CTNNA2: variants seen among roughly 807,000 people sequenced by gnomAD.
CTNNA2 encodes catenin alpha 2.
In CTNNA2, 42 loss-of-function variants were observed where a neutral mutation model predicts 101.0. That is an observed-to-expected ratio of 0.42 (90% CI 0.32 to 0.54). CTNNA2 has a LOEUF of 0.54. Among genes scored for constraint, CTNNA2 ranks in the 20% least tolerant of loss-of-function variants. The probability of loss-of-function intolerance (pLI) is 0.14; values close to 1 mark genes in which losing one functional copy is unlikely to be tolerated. For synonymous variants in CTNNA2, 450 were observed against 456.4 expected, an observed-to-expected ratio of 0.99 and a Z score of 0.18; for missense variants, 871 against 1,223.1, an observed-to-expected ratio of 0.71 and a Z score of 4.29.
intron 3 of CTNNA2, among the ~76,000 whole-genome samples, chr2:79,352,820 A>G (rs1327409903): frequency 6.6e-6 from 1 of 152,196 alleles, no homozygotes; most frequent in Non-Finnish European, 1.5e-5. Context: ...ACTTATAAAG[A>G]AAAGAAGCTT....
intron 3 of CTNNA2, among the ~76,000 whole-genome samples, chr2:79,757,742 C>T (rs1672493263): frequency 6.6e-6 from 1 of 152,232 alleles, no homozygotes; most frequent in Admixed American, 6.5e-5. Context: ...GGTTCAAATT[C>T]CAACTGTAGT....
chr2:80,197,397 ATTG>A (rs1380579757), intron 7 of CTNNA2, among the ~76,000 whole-genome samples: 1 of 152,168 alleles, frequency 6.6e-6, no homozygotes, highest in African/African-American at 2.4e-5. Flanking sequence ...ATTATTGTTT[ATTG>A]CAGTCACATC....
chr2:79,402,430 C>A (rs1298870095), intron 4 of CTNNA2, among the ~76,000 whole-genome samples: 1 of 151,840 alleles, frequency 6.6e-6, no homozygotes, highest in African/African-American at 2.4e-5. Context: ...GATAATACTA[C>A]TGGACCTTAT....
At chr2:79,980,331 AT>A (rs961186198) in intron 7 of CTNNA2, among the ~76,000 whole-genome samples, 1 of 152,134 alleles carries the variant, frequency 6.6e-6, no homozygotes, top group African/African-American at 2.4e-5. Flanking sequence ...CATAGGGACG[AT>A]TTGTCACATG....
intron 12 of CTNNA2, among the ~76,000 whole-genome samples, chr2:80,572,205 G>A (rs1164492293): frequency 6.6e-6 from 1 of 152,126 alleles, no homozygotes; most frequent in Non-Finnish European, 1.5e-5. Context: ...ATGCCTATAA[G>A]TATGAAATTA....
intron 7 of CTNNA2, among the ~76,000 whole-genome samples, chr2:80,117,286 T>C (rs987627799): frequency 6.6e-5 from 10 of 152,158 alleles, no homozygotes; most frequent in African/African-American, 2.4e-4. Flanking sequence ...ATGGAGGATT[T>C]CCATAAAAAT....
intron 1 of CTNNA2, among the ~76,000 whole-genome samples, chr2:79,557,138 G>C (rs1053369650): frequency 2.0e-5 from 3 of 152,010 alleles, no homozygotes; most frequent in African/African-American, 7.2e-5. Context: ...GTGGGAAGTA[G>C]AATAGGTCAG....
intron 7 of CTNNA2, among the ~76,000 whole-genome samples, chr2:80,187,366 A>G (rs2148991541): frequency 6.6e-6 from 1 of 152,342 alleles, no homozygotes; most frequent in South Asian, 2.1e-4. Context: ...AAAATAGTAC[A>G]CAGTAGAAGA....
chr2:80,202,093 T>G (rs574764025), intron 7 of CTNNA2, among the ~76,000 whole-genome samples: 1 of 152,332 alleles, frequency 6.6e-6, no homozygotes, highest in Non-Finnish European at 1.5e-5. Context: ...TGTTTATGTT[T>G]ACTTTTCATT....
chr2:80,175,256 C>T (rs1573303466), intron 7 of CTNNA2, among the ~76,000 whole-genome samples: 1 of 152,206 alleles, frequency 6.6e-6, no homozygotes, highest in East Asian at 1.9e-4. Context: ...CCCCCATTAT[C>T]AGCTCCCATT....
At chr2:79,216,113 T>C (rs998328209) in intron 2 of CTNNA2, among the ~76,000 whole-genome samples, 5 of 152,048 alleles carry the variant, frequency 3.3e-5, no homozygotes, top group Non-Finnish European at 7.4e-5. Context: ...TTAGATCTTG[T>C]AGGATGGAAA....
intron 3 of CTNNA2, among the ~76,000 whole-genome samples, chr2:79,811,217 A>G (rs1436712151): frequency 2.0e-5 from 3 of 152,090 alleles, no homozygotes; most frequent in African/African-American, 7.2e-5. Context: ...AATGATCGCC[A>G]TTCTAACTGG....
At chr2:80,454,063 G>C (rs1383624046) in intron 9 of CTNNA2, among the ~76,000 whole-genome samples, 2 of 152,150 alleles carry the variant, frequency 1.3e-5, no homozygotes, top group African/African-American at 4.8e-5. Flanking sequence ...GGCAAAGAGG[G>C]AGAAAGAAAA....
intron 7 of CTNNA2, among the ~76,000 whole-genome samples, chr2:80,180,069 G>A (rs1705675621): frequency 1.3e-5 from 2 of 152,148 alleles, no homozygotes; most frequent in South Asian, 4.1e-4. Context: ...CAAAGCCAGG[G>A]TCCAGTAGTC....
rs148422226 is a variant in CTNNA2 at position 80,374,849 on chromosome 2, G to C, written c.1057-18362G>C. Among the ~76,000 whole-genome samples the C allele has an allele frequency of 5.5e-4, 84 of 152,128 alleles. 2 individuals are homozygous for C. The East Asian group carries it at 0.016, about 28-fold the overall frequency. ...AATATAGTCACATTCTGAGGTCTTA[G>C]GGTTTAGCACTCCACAATGTGAATT... On this transcript the variant is annotated intron_variant, in intron 7 of 18. Coordinates refer to ENST00000402739, the MANE Select transcript of CTNNA2 (RefSeq NM_001282597.3).
intron 3 of CTNNA2, among the ~76,000 whole-genome samples, chr2:79,831,725 T>C (rs887083058): frequency 4.0e-5 from 6 of 149,432 alleles, no homozygotes; most frequent in Admixed American, 2.7e-4. Flanking sequence ...TTCTCGGTGT[T>C]TATTCACTGA....
intron 2 of CTNNA2, among the ~76,000 whole-genome samples, chr2:79,215,268 G>A (rs1558575946): frequency 1.3e-5 from 2 of 152,130 alleles, no homozygotes; most frequent in Non-Finnish European, 2.9e-5. Flanking sequence ...CCAGATTTCT[G>A]GCACTTGTAG....
chr2:80,552,334 G>GA (rs908701685), intron 11 of CTNNA2, among the ~76,000 whole-genome samples: 59 of 150,200 alleles, frequency 3.9e-4, no homozygotes, highest in Admixed American at 7.3e-4. Flanking sequence ...TGGGGGGGAA[G>GA]AAAAAAAAAC....
intron 7 of CTNNA2, among the ~76,000 whole-genome samples, chr2:80,082,306 G>A (rs998439911): frequency 6.6e-6 from 1 of 152,128 alleles, no homozygotes; most frequent in African/African-American, 2.4e-5. Flanking sequence ...AGACTGAGGA[G>A]GGTCAGTATT....
Sources: allele counts gnomAD v4.1 joint callset (sites outside exome capture counted in the v4.1 genomes callset), GRCh38; gene constraint gnomAD v4.1.1; transcripts MANE v1.5; gene names NCBI Gene and HGNC (gene_info 2026-07-23, HGNC 2026-07-21).